The following DSG1 variants were observed in gnomAD, a reference collection of about 807,000 sequenced individuals.
DSG1 encodes the protein desmoglein-1.
In DSG1, 39 loss-of-function variants were observed where a neutral mutation model predicts 97.5. The observed-to-expected ratio is 0.40, with a 90% CI of 0.31 to 0.52. The LOEUF is 0.52. Ranked by LOEUF, DSG1 falls within the 20% of genes least tolerant of loss-of-function variation. DSG1 has a pLI of 0.53. For synonymous variants in DSG1, 475 were observed against 443.4 expected (o/e 1.07, Z -0.90); for missense variants, 1,311 against 1,295.4 (o/e 1.01, Z -0.18).
rs1488392471 is a variant in DSG1, at chr18:31,358,151, G to C, written c.*2805G>C. ...AAAAGAAATAGTAATTTAATACTATGTATGTATGGTTTGAAAACAAACCAC... is the reference window on the plus strand; with the variant it reads ...AAAAGAAATAGTAATTTAATACTATCTATGTATGGTTTGAAAACAAACCAC... On this transcript the variant is annotated 3_prime_UTR_variant, in exon 15 of 15. Coordinates refer to ENST00000257192, the MANE Select transcript of DSG1 (RefSeq NM_001942.4). Among the ~76,000 whole-genome samples the C allele has an allele frequency of 1.3e-5, 2 of 151,958 alleles. No individual in the cohort carries two copies. Among genetic ancestry groups the C allele is most frequent in the Non-Finnish European group, 2.9e-5 (2 of 67,882 alleles).
At chr18:31,319,927 TG>T (rs565840789) in intron 1 of DSG1, among the ~76,000 whole-genome samples, 1 of 152,056 alleles carries the variant, frequency 6.6e-6, no homozygotes, top group South Asian at 2.1e-4. Flanking sequence ...GGGGTTTTTT[TG>T]GGAATGGGGG....
At chr18:31,337,898 G>T (rs1035185287) in intron 9 of DSG1, among the ~76,000 whole-genome samples, 3 of 150,770 alleles carry the variant, frequency 2.0e-5, no homozygotes, top group Admixed American at 2.0e-4. Flanking sequence ...GCAGAAACAG[G>T]GGGGAAGTTC....
At chr18:31,327,442 C>A (rs2144088487) in intron 3 of DSG1, among the ~76,000 whole-genome samples, 1 of 152,094 alleles carries the variant, frequency 6.6e-6, no homozygotes, top group South Asian at 2.1e-4. Flanking sequence ...TTTTCCATAT[C>A]TTCCTTTCTA....
intron 14 of DSG1, 99 bp from the exon 15 acceptor site, chr18:31,354,198 T>C: frequency 9.7e-7 from 1 of 1,035,918 alleles, no homozygotes; most frequent in Non-Finnish European, 1.5e-6. Flanking sequence ...TTCATTCCTC[T>C]TTGGAAATGC....
At chr18:31,353,745 C>A (rs576412253) in intron 14 of DSG1, among the ~76,000 whole-genome samples, 19 of 152,180 alleles carry the variant, frequency 1.2e-4, no homozygotes, top group African/African-American at 4.3e-4. Context: ...AGGTGCCGTC[C>A]GTCACCCCTT....
Position 31,334,188 on chromosome 18 carries a change from T to G in DSG1, c.991T>G (p.Leu331Val). The G allele has an allele frequency of 6.3e-7, 1 of 1,594,990 alleles. No individual in the cohort carries two copies. Among genetic ancestry groups the G allele is most frequent in the South Asian group, 1.1e-5 (1 of 90,526 alleles). The part of the protein sequence containing the change: ...EMNERTNVGI[L>V]KVVKPLDYEA... Reference sequence around the variant, plus strand: ...GAATGAAAGAACAAATGTGGGAATTTTAAAGGTTGTTAAGGTATGGTATAA... The same window carrying G: ...GAATGAAAGAACAAATGTGGGAATTGTAAAGGTTGTTAAGGTATGGTATAA... Residue 331 changes from leucine to valine, a missense_variant, in exon 8 of 15, where the codon TTA becomes GTA. Transcript: ENST00000257192.
rs918189940 is a variant in DSG1 at position 31,355,740 on chromosome 18, A to G, written c.*394A>G. On this transcript the variant is annotated 3_prime_UTR_variant, in exon 15 of 15. Transcript: ENST00000257192. The stretch of plus-strand genomic sequence containing the variant: ...TGCAATATATGTTCATATCTATGGG[A>G]AAAATCTAAAATGTGTGCCAGATGC... 20 of 188,874 alleles carry G rather than the reference A, an allele frequency of 1.1e-4. No individual in the cohort carries two copies. The highest frequency in any genetic ancestry group is 4.7e-4 in the African/African-American group (20 of 42,690). The allele number at this position is 188,874 out of a possible 1,614,324, so 11.7% of individuals were successfully genotyped here.
rs373353260 is a variant in DSG1, at chr18:31,349,513, G to A, written c.2100+3315G>A. ...TTCCAATTCTGTGAAGAAAGTCATT[G>A]GTAGCTTGATGGGGATGGCATTGAA... is the stretch of plus-strand genomic sequence containing the variant. On this transcript the variant is annotated intron_variant, in intron 14 of 14. Transcript: ENST00000257192. 5.8e-3 allele frequency among the ~76,000 whole-genome samples: 849 copies of A among 146,114 alleles called. 27 individuals carry two copies. The South Asian group carries it at 0.078, about 13-fold the overall frequency.
chr18:31,328,085 A>C, intron 3 of DSG1, 104 bp from the exon 4 acceptor site: 1 of 1,205,438 alleles, frequency 8.3e-7, no homozygotes, highest in Non-Finnish European at 1.2e-6. Flanking sequence ...CATTTCCTAA[A>C]TAACAAGGTC....
At chr18:31,323,402 C>G (rs140103428) in intron 1 of DSG1, among the ~76,000 whole-genome samples, 63 of 152,300 alleles carry the variant, frequency 4.1e-4, no homozygotes, top group African/African-American at 1.5e-3. Context: ...ACTCCAGGGA[C>G]AAAGTCTAGG....
rs151080838 is a variant in DSG1 at position 31,339,902 on chromosome 18, A to G, written c.1564A>G (p.Thr522Ala). The change falls in exon 11 of 15, where the codon ACT (threonine) becomes GCT (alanine). Residue 522 changes from threonine to alanine, a missense_variant. Transcript: ENST00000257192. ...TAACTATGATACCAGCACAACTTCT[A>G]CTGACTCTAGCCAAGTATATTCTTC... ...STNYDTSTTS[T>A]DSSQVYSSEP... 14 of 1,613,974 alleles carry G rather than the reference A, an allele frequency of 8.7e-6. No individual in the cohort carries two copies. In the African/African-American group the frequency reaches 1.9e-4, roughly 22 times the overall value.
Position 31,339,809 on chromosome 18 carries a change from A to C in DSG1, c.1471A>C (p.Arg491=). 1 of 1,613,428 alleles carries C rather than the reference A, an allele frequency of 6.2e-7. No individual in the cohort carries two copies. The highest frequency in any genetic ancestry group is 8.5e-7 in the Non-Finnish European group (1 of 1,179,432). The change falls in exon 11 of 15, where the codon AGG becomes CGG. Residue 491 remains arginine, a synonymous_variant. Transcript: ENST00000257192. ...INIQSFGNDD[R]TNTEPNTKIT... is the part of the protein sequence containing the mutation. ...CATTCAAAGTTTTGGTAATGACGAC[A>C]GGACTAATACAGAGCCGAACACTAA...
chr18:31,351,793 C>T (rs1440036469), intron 14 of DSG1, among the ~76,000 whole-genome samples: 1 of 151,804 alleles, frequency 6.6e-6, no homozygotes, highest in Non-Finnish European at 1.5e-5. Context: ...GATTGCAACC[C>T]CTGCCTTTTT....
Position 31,354,765 on chromosome 18 carries a change from C to T in DSG1, c.2569C>T (p.Arg857Ter), listed in dbSNP as rs756245217. ...LKPSVHVHDN[R>*]PASNVVVTER... ...GCCCTCTGTGCACGTTCACGATAAC[C>T]GACCAGCATCAAACGTGGTAGTGAC... The change falls in exon 15 of 15, where the codon CGA (arginine) becomes TGA (stop). Residue 857 changes from arginine to a stop codon, truncating the protein, a stop_gained. Coordinates refer to ENST00000257192, the MANE Select transcript of DSG1 (RefSeq NM_001942.4). LOFTEE classifies it high-confidence loss of function. 4.3e-6 allele frequency: 7 copies of T among 1,614,042 alleles called. No homozygotes were observed. Among genetic ancestry groups the T allele is most frequent in the East Asian group, 2.2e-5 (1 of 44,888 alleles).
Position 31,357,003 on chromosome 18 carries a change from T to A in DSG1, c.*1657T>A, listed in dbSNP as rs1366537588. On this transcript the variant is annotated 3_prime_UTR_variant, in exon 15 of 15. Transcript: ENST00000257192. ...TAAAATGAAACTCTATATGACAAAATAAAATTAGAAAAAAATTTGCCCTGG... is the reference window on the plus strand; with the variant it reads ...TAAAATGAAACTCTATATGACAAAAAAAAATTAGAAAAAAATTTGCCCTGG... 6.6e-6 allele frequency: 1 copy of A among 151,986 alleles called. No individual in the cohort carries two copies. Among genetic ancestry groups the A allele is most frequent in the Non-Finnish European group, 1.5e-5 (1 of 67,932 alleles). The allele number at this position is 151,986 out of a possible 1,614,324, so 9.4% of individuals were successfully genotyped here. A position where few individuals can be genotyped will look rare whatever the true frequency, so the allele number is the denominator to read the frequency against.
chr18:31,325,761 G>A (rs570362923), intron 1 of DSG1, among the ~76,000 whole-genome samples: 7 of 152,056 alleles, frequency 4.6e-5, no homozygotes, highest in Non-Finnish European at 8.8e-5. Flanking sequence ...TTACTTGAGG[G>A]AATAGGCTAT....
intron 1 of DSG1, among the ~76,000 whole-genome samples, chr18:31,321,063 T>C (rs984319383): frequency 4.7e-4 from 71 of 151,896 alleles, no homozygotes; most frequent in Non-Finnish European, 5.0e-4. Flanking sequence ...GTAACCATTT[T>C]CCCCCTCTTT....
At chr18:31,346,291 G>C (rs1690759029) in intron 14 of DSG1, 93 bp downstream of exon 14, 1 of 1,030,690 alleles carries the variant, frequency 9.7e-7, no homozygotes, top group Admixed American at 1.7e-5. Context: ...TTTGGCAGGA[G>C]TCTCCTAACT....
At chr18:31,323,958 C>T (rs1338968310) in intron 1 of DSG1, among the ~76,000 whole-genome samples, 3 of 150,390 alleles carry the variant, frequency 2.0e-5, no homozygotes, top group Non-Finnish European at 4.4e-5. Context: ...CTCTCTTTCG[C>T]CACTCCTTCT....
Sources: allele counts gnomAD v4.1 joint callset (sites outside exome capture counted in the v4.1 genomes callset), GRCh38; gene constraint gnomAD v4.1.1; transcripts MANE v1.5; gene names NCBI Gene and HGNC (gene_info 2026-07-23, HGNC 2026-07-21).